Variants in PLEKHA8 observed in about 807,000 individuals in gnomAD.
The protein encoded by PLEKHA8 is pleckstrin homology domain containing A8.
PLEKHA8 carries 36 observed loss-of-function variants against 68.2 expected under a neutral mutation model. The ratio of observed to expected loss-of-function variants is 0.53; its 90% CI spans 0.40 to 0.70. The LOEUF is 0.70. PLEKHA8 is among the 30% of genes least tolerant of loss of function. The pLI is 0.00. For synonymous variants in PLEKHA8, 211 were observed against 216.1 expected, an observed-to-expected ratio of 0.98 and a Z score of 0.20; for missense variants, 505 against 615.4, an observed-to-expected ratio of 0.82 and a Z score of 1.90.
rs80046413 is a variant in PLEKHA8 at position 30,035,418 on chromosome 7, T to C, written c.40+6616T>C. Among the ~76,000 whole-genome samples the C allele has an allele frequency of 8.9e-3, 1,352 of 152,276 alleles. 15 individuals are homozygous for C. The highest frequency in any genetic ancestry group is 0.024 in the Middle Eastern group (7 of 294). ...TAGTTCACTTTAAGGGTAGGTTAAT[T>C]AGATCACTGTTTTGATTAATGATGC... On this transcript the variant is annotated intron_variant, in intron 1 of 13. Coordinates refer to ENST00000449726, the MANE Select transcript of PLEKHA8 (RefSeq NM_001197026.2).
chr7:30,052,856 T>C lies in PLEKHA8; in HGVS notation c.786T>C (p.Asp262=). The part of the protein sequence containing the change: ...CSISSEENTD[D]NITVQGEIRK... Reference sequence around the variant, plus strand: ...TATCAAGTGAGGAAAATACAGATGATAATATAACAGGTAAAAACAAAAGTA... The same window carrying C: ...TATCAAGTGAGGAAAATACAGATGACAATATAACAGGTAAAAACAAAAGTA... The change falls in exon 7 of 14, where the codon GAT becomes GAC. Residue 262 remains aspartate (D), a synonymous_variant. Transcript: ENST00000449726. 1 of 1,573,466 alleles carries C rather than the reference T, an allele frequency of 6.4e-7. No homozygotes were observed. Among genetic ancestry groups the C allele is most frequent in the Non-Finnish European group, 8.6e-7 (1 of 1,168,752 alleles).
chr7:30,094,216 A>C (rs1335556263), downstream of PLEKHA8, among the ~76,000 whole-genome samples: 5 of 151,890 alleles, frequency 3.3e-5, no homozygotes, highest in African/African-American at 1.2e-4. Context: ...TTTAAGTTCC[A>C]TTTAGTTCTT....
At position 30,079,445 on chromosome 7, in the gene PLEKHA8, A is replaced by C. The variant is rs1794812304; in HGVS notation, c.*658A>C. 1 of 985,378 alleles carries C rather than the reference A, an allele frequency of 1.0e-6. No homozygotes were observed. The highest frequency in any genetic ancestry group is 5.2e-4 in the Middle Eastern group (1 of 1,914). The allele number at this position is 985,378 out of a possible 1,614,324, so 61.0% of individuals were successfully genotyped here. ...AAGATTAATGGTGTGCCCTAGCCCCAAGTTGGAGGGGAGAATATGAGAGAG... is the reference window on the plus strand; with the variant it reads ...AAGATTAATGGTGTGCCCTAGCCCCCAGTTGGAGGGGAGAATATGAGAGAG... On this transcript the variant is annotated 3_prime_UTR_variant, in exon 14 of 14. Coordinates refer to ENST00000449726, the MANE Select transcript of PLEKHA8 (RefSeq NM_001197026.2).
At position 30,080,546 on chromosome 7, in the gene PLEKHA8, G is replaced by A. The variant is rs1794878153; in HGVS notation, c.*1759G>A. On this transcript the variant is annotated 3_prime_UTR_variant, in exon 14 of 14. Transcript: ENST00000449726. The stretch of plus-strand genomic sequence containing the variant: ...AGGGGTATTGGTTTTGCCTTTGTGT[G>A]TCTTTAAACAAATGAACATTTATTT... The A allele has an allele frequency of 1.1e-5, 11 of 985,218 alleles. No homozygotes were observed. Among genetic ancestry groups the A allele is most frequent in the Non-Finnish European group, 1.3e-5 (11 of 829,910 alleles). 61.0% of individuals were successfully genotyped at this position (985,218 alleles called of 1,614,324 possible).
intron 13 of PLEKHA8, chr7:30,115,934 A>G (rs1409922510): frequency 2.6e-5 from 3 of 113,936 alleles, no homozygotes; most frequent in South Asian, 2.6e-4. Context: ...ACATACATGT[A>G]TACATGCACA....
Position 30,082,583 on chromosome 7 carries a change from C to T in PLEKHA8, c.*3796C>T, listed in dbSNP as rs577614488. ...GCGGAAAAAAATTTGCACTCTTCTC[C>T]TTTTGGTTATTACTTTCCAAATATA... is the stretch of plus-strand genomic sequence containing the variant. On this transcript the variant is annotated 3_prime_UTR_variant, in exon 14 of 14. Transcript: ENST00000449726. The T allele has an allele frequency of 1.2e-5, 12 of 985,232 alleles. No homozygotes were observed. The South Asian group carries it at 5.2e-4, about 42-fold the overall frequency. The allele number at this position is 985,232 out of a possible 1,614,324, so 61.0% of individuals were successfully genotyped here.
intron 9 of PLEKHA8, among the ~76,000 whole-genome samples, chr7:30,058,616 CTCTTT>C (rs1170048330): frequency 2.6e-5 from 4 of 151,940 alleles, no homozygotes; most frequent in African/African-American, 4.8e-5. Context: ...TTTCTGGACT[CTCTTT>C]TCTGTTCCAA....
intron 13 of PLEKHA8, among the ~76,000 whole-genome samples, chr7:30,076,882 A>G (rs917205963): frequency 3.9e-5 from 6 of 152,226 alleles, no homozygotes; most frequent in African/African-American, 1.4e-4. Context: ...CATTGTTTAC[A>G]TCCAAGGAAT....
intron 13 of PLEKHA8, among the ~76,000 whole-genome samples, chr7:30,100,149 G>A (rs1222429609): frequency 2.0e-5 from 3 of 152,078 alleles, no homozygotes; most frequent in African/African-American, 7.2e-5. Flanking sequence ...ACCTGTCATT[G>A]GATTTAGAGC....
chr7:30,079,897 CCTT>C lies in PLEKHA8; in HGVS notation c.*1111_*1113del, dbSNP rs980025828. ...TTTCTTCAAGAACTAAATGATATGT[CCTT>C]TTTTTTTTTTTCAAAGAGGATAAGG... On this transcript the variant is annotated 3_prime_UTR_variant, in exon 14 of 14. Transcript: ENST00000449726. 2 of 965,986 alleles carry C rather than the reference CCTT, an allele frequency of 2.1e-6. No homozygotes were observed. The highest frequency in any genetic ancestry group is 6.2e-5 in the Admixed American group (1 of 16,068). 59.8% of individuals were successfully genotyped at this position (965,986 alleles called of 1,614,324 possible). A position where few individuals can be genotyped will look rare whatever the true frequency, so the allele number is the denominator to read the frequency against.
chr7:30,046,484 G>A (rs1791973473), intron 3 of PLEKHA8, 119 bp downstream of exon 3: 4 of 1,132,538 alleles, frequency 3.5e-6, no homozygotes, highest in Middle Eastern at 2.2e-4. Context: ...TCATGCAAAT[G>A]CTGTGTATCT....
At chr7:30,073,358 C>A (rs1266569433) in intron 12 of PLEKHA8, among the ~76,000 whole-genome samples, 1 of 151,912 alleles carries the variant, frequency 6.6e-6, no homozygotes, top group East Asian at 1.9e-4. Flanking sequence ...AAGGAGGAAA[C>A]AGATGGTTAG....
Position 30,060,870 on chromosome 7 carries a change from A to G in PLEKHA8, c.1040-14A>G, listed in dbSNP as rs1554275390. On this transcript the variant is annotated splice_polypyrimidine_tract_variant and intron_variant, in intron 9 of 13. Coordinates refer to ENST00000449726, the MANE Select transcript of PLEKHA8 (RefSeq NM_001197026.2). ...AATTGCTTTTTCAGAAATGTTTTTA[A>G]TCTTTTCTTCTAGACAAACTTGGCC... The G allele has an allele frequency of 3.1e-6, 5 of 1,605,958 alleles. No individual in the cohort carries two copies. The highest frequency in any genetic ancestry group is 3.4e-6 in the Non-Finnish European group (4 of 1,177,556).
rs1793834271 is a variant in PLEKHA8, at chr7:30,066,190, CAGCTTTCCA to C, written c.1300+3450_1300+3458del. On this transcript the variant is annotated intron_variant, in intron 12 of 13. Transcript: ENST00000449726. ...TTTCCTCCTTTTCATCATAATTAGA[CAGCTTTCCA>C]ATAAAAATACTGCTTAAGTAAGGTT... 2.0e-5 allele frequency among the ~76,000 whole-genome samples: 3 copies of C among 152,294 alleles called. No individual in the cohort carries two copies. The South Asian group carries it at 6.2e-4, about 32-fold the overall frequency.
At chr7:30,094,606 G>T (rs1173673383), downstream of PLEKHA8, among the ~76,000 whole-genome samples, 1 of 151,596 alleles carries the variant, frequency 6.6e-6, no homozygotes, top group African/African-American at 2.4e-5. Context: ...TTGGTGTGCT[G>T]CACCCATTAA....
chr7:30,034,010 C>CTTTTGTTTTTT (rs1790859175), intron 1 of PLEKHA8, among the ~76,000 whole-genome samples: 3 of 34,658 alleles, frequency 8.7e-5, no homozygotes, highest in African/African-American at 3.8e-4. Context: ...TAAGAGGTTT[C>CTTTTGTTTTTT]TTTTTTTTTT....
chr7:30,106,693 G>A (rs745626359), intron 13 of PLEKHA8, among the ~76,000 whole-genome samples: 2 of 152,114 alleles, frequency 1.3e-5, no homozygotes, highest in Admixed American at 1.3e-4. Context: ...GCCAACCCGG[G>A]ATAAAAAGAA....
In PLEKHA8 at chr7:30,079,381, T is replaced by C; in HGVS notation, c.*594T>C. 1 of 985,664 alleles carries C rather than the reference T, an allele frequency of 1.0e-6. No individual in the cohort carries two copies. 61.1% of individuals were successfully genotyped at this position (985,664 alleles called of 1,614,324 possible). A position where few individuals can be genotyped will look rare whatever the true frequency, so the allele number is the denominator to read the frequency against. ...GAGGCGAAGAAGACGTGGACAGGAG[T>C]CCCATCCTTGCTGACAGGCATGAAA... On this transcript the variant is annotated 3_prime_UTR_variant, in exon 14 of 14. Transcript: ENST00000449726.
intron 13 of PLEKHA8, among the ~76,000 whole-genome samples, chr7:30,121,202 G>A (rs1165661704): frequency 6.6e-6 from 1 of 152,078 alleles, no homozygotes; most frequent in Admixed American, 6.6e-5. Context: ...GCATGCTTCC[G>A]TTTTCTTCCA....
Sources: gnomAD v4.1 joint callset for allele counts (sites outside exome capture counted in the v4.1 genomes callset) on GRCh38, gnomAD v4.1.1 for gene constraint, MANE v1.5 for transcripts, NCBI Gene and HGNC (gene_info 2026-07-23, HGNC 2026-07-21) for gene names.